Variants in GRIA4 observed in about 807,000 individuals in gnomAD.
GRIA4 encodes the protein glutamate ionotropic receptor AMPA type subunit 4.
GRIA4 carries 34 observed loss-of-function variants against 104.0 expected under a neutral mutation model. That is an observed-to-expected ratio of 0.33 (90% CI 0.25 to 0.44). The LOEUF (loss-of-function observed/expected upper bound fraction) is 0.44. Ranked by LOEUF, GRIA4 falls within the 20% of genes least tolerant of loss-of-function variation. The pLI is 1.00. For missense variants in GRIA4, 750 were observed against 1,096.5 expected (o/e 0.68, Z 4.46); for synonymous variants, 386 against 381.9 (o/e 1.01, Z -0.13).
intron 4 of GRIA4, among the ~76,000 whole-genome samples, chr11:105,840,813 T>C (rs1289949156): frequency 6.6e-6 from 1 of 152,234 alleles, no homozygotes; most frequent in East Asian, 1.9e-4. Context: ...TCTGAACTGC[T>C]TCTCCATTTT....
chr11:105,919,910 A>G (rs942290295), intron 11 of GRIA4, among the ~76,000 whole-genome samples: 1 of 152,178 alleles, frequency 6.6e-6, no homozygotes, highest in Non-Finnish European at 1.5e-5. Flanking sequence ...AATTACACAG[A>G]CAGTCATCTT....
intron 3 of GRIA4, among the ~76,000 whole-genome samples, chr11:105,730,350 T>A (rs1938509689): frequency 6.6e-6 from 1 of 152,158 alleles, no homozygotes; most frequent in South Asian, 2.1e-4. Flanking sequence ...CTAGGAGAAC[T>A]ACAAACCACT....
chr11:105,970,394 T>C (rs372768710), intron 14 of GRIA4, among the ~76,000 whole-genome samples: 12 of 152,300 alleles, frequency 7.9e-5, no homozygotes, highest in African/African-American at 2.9e-4. Flanking sequence ...GTGAGTCTTC[T>C]GCTATTAATA....
At chr11:105,954,050 T>C (rs1948524358) in intron 14 of GRIA4, among the ~76,000 whole-genome samples, 1 of 152,208 alleles carries the variant, frequency 6.6e-6, no homozygotes, top group South Asian at 2.1e-4. Flanking sequence ...TCTAGGCCAC[T>C]AAGAGTTCTA....
chr11:105,773,793 C>A (rs1366536382), intron 4 of GRIA4, among the ~76,000 whole-genome samples: 3 of 150,406 alleles, frequency 2.0e-5, no homozygotes, highest in Non-Finnish European at 4.4e-5. Context: ...ATGACAGATA[C>A]CAAAAATTAA....
chr11:105,611,293 C>A (rs958036772), intron 2 of GRIA4, among the ~76,000 whole-genome samples: 3 of 152,062 alleles, frequency 2.0e-5, no homozygotes, highest in African/African-American at 7.2e-5. Flanking sequence ...CCCACCCATG[C>A]GTTCTCAGCC....
intron 3 of GRIA4, among the ~76,000 whole-genome samples, chr11:105,671,149 C>T (rs1952351211): frequency 6.6e-6 from 1 of 152,132 alleles, no homozygotes; most frequent in African/African-American, 2.4e-5. Context: ...AGGTCTTTAA[C>T]CTTAATCATA....
Position 105,816,173 on chromosome 11 carries a change from G to A in GRIA4, c.488-45851G>A, listed in dbSNP as rs533695113. Among the ~76,000 whole-genome samples the A allele has an allele frequency of 3.0e-4, 45 of 152,194 alleles. 1 individual carries two copies. The highest frequency in any genetic ancestry group is 1.9e-3 in the South Asian group (9 of 4,822). On this transcript the variant is annotated intron_variant, in intron 4 of 16. Coordinates refer to ENST00000282499, the MANE Select transcript of GRIA4 (RefSeq NM_000829.4). ...CACTTCTCTGTGCATTGGCCTTCTC[G>A]TCAGGAAAATATTACCTATCCTGTA...
intron 3 of GRIA4, among the ~76,000 whole-genome samples, chr11:105,618,439 C>T (rs1452334247): frequency 4.0e-5 from 6 of 151,838 alleles, no homozygotes; most frequent in African/African-American, 1.5e-4. Context: ...GCACATAGAT[C>T]CAACGCAGAA....
intron 4 of GRIA4, among the ~76,000 whole-genome samples, chr11:105,855,838 C>G (rs1944990382): frequency 6.6e-6 from 1 of 152,018 alleles, no homozygotes; most frequent in South Asian, 2.1e-4. Flanking sequence ...AGACCTCTGT[C>G]ATAATTTATT....
At chr11:105,690,425 G>T (rs1162708629) in intron 3 of GRIA4, among the ~76,000 whole-genome samples, 20 of 152,146 alleles carry the variant, frequency 1.3e-4, no homozygotes, top group Admixed American at 1.3e-3. Context: ...GTTTAAATTT[G>T]CTGTGTATGG....
chr11:105,736,950 C>G (rs987227001), intron 3 of GRIA4, among the ~76,000 whole-genome samples: 1 of 151,896 alleles, frequency 6.6e-6, no homozygotes, highest in Non-Finnish European at 1.5e-5. Context: ...CAAACACACA[C>G]GCAGAAGCAG....
intron 4 of GRIA4, among the ~76,000 whole-genome samples, chr11:105,794,749 T>C (rs919558943): frequency 6.6e-6 from 1 of 151,060 alleles, no homozygotes; most frequent in African/African-American, 2.4e-5. Context: ...ATCTTGGAGA[T>C]GGAGAATTGT....
At chr11:105,744,677 T>C (rs764289177) in intron 3 of GRIA4, among the ~76,000 whole-genome samples, 1 of 152,164 alleles carries the variant, frequency 6.6e-6, no homozygotes, top group Non-Finnish European at 1.5e-5. Context: ...AGATGTACTA[T>C]AAAAACCTTT....
chr11:105,693,616 T>C (rs1210577686), intron 3 of GRIA4, among the ~76,000 whole-genome samples: 2 of 152,220 alleles, frequency 1.3e-5, no homozygotes, highest in African/African-American at 2.4e-5. Flanking sequence ...GCTTTGTAAA[T>C]GCTGGTTTAC....
Position 105,979,671 on chromosome 11 carries a change from G to C in GRIA4, c.2641G>C (p.Ala881Pro). ...GRVLTPDCPKAVHTGTAIRQS... is the reference protein window; with the variant it reads ...GRVLTPDCPKPVHTGTAIRQS... ...CGTCTTGACGCCTGACTGCCCAAAGGCTGTACACACTGGAACTGCAATCAG... is the reference window on the plus strand; with the variant it reads ...CGTCTTGACGCCTGACTGCCCAAAGCCTGTACACACTGGAACTGCAATCAG... The change falls in exon 17 of 17, where the codon GCT (alanine) becomes CCT (proline). Residue 881 changes from alanine (A) to proline (P), a missense_variant. Physicochemically the swap from Ala to Pro is conservative, Grantham distance 27. This residue lies in a region of GRIA4 where 68 missense variants were observed against 69.3 expected (regional missense o/e 0.98). Transcript: ENST00000282499. 1 of 1,613,874 alleles carries C rather than the reference G, an allele frequency of 6.2e-7. No homozygotes were observed. The highest frequency in any genetic ancestry group is 8.5e-7 in the Non-Finnish European group (1 of 1,179,732).
chr11:105,756,916 G>A (rs1227772964), intron 4 of GRIA4, among the ~76,000 whole-genome samples: 1 of 152,162 alleles, frequency 6.6e-6, no homozygotes, highest in Non-Finnish European at 1.5e-5. Context: ...GCAGGAGAAG[G>A]AGAACAGCTA....
At chr11:105,936,605 T>C (rs1948045555) in intron 14 of GRIA4, among the ~76,000 whole-genome samples, 1 of 152,212 alleles carries the variant, frequency 6.6e-6, no homozygotes, top group Non-Finnish European at 1.5e-5. Flanking sequence ...TATGTTCCAT[T>C]GGTCTAGGGA....
intron 3 of GRIA4, among the ~76,000 whole-genome samples, chr11:105,641,937 G>C (rs1415550709): frequency 6.6e-6 from 1 of 152,152 alleles, no homozygotes; most frequent in Non-Finnish European, 1.5e-5. Flanking sequence ...CCGAAAGTCT[G>C]AGATCAAGGA....
Sources: gnomAD v4.1 joint callset for allele counts (sites outside exome capture counted in the v4.1 genomes callset) on GRCh38, gnomAD v4.1.1 for gene constraint, gnomAD v4.1.1 regional missense constraint, MANE v1.5 for transcripts, NCBI Gene and HGNC (gene_info 2026-07-23, HGNC 2026-07-21) for gene names.